Variants in CARS2 observed in about 807,000 individuals in gnomAD.
CARS2 encodes the protein cysteinyl-tRNA synthetase 2, mitochondrial, also known as probable cysteine--tRNA ligase, mitochondrial.
In CARS2, 52 loss-of-function variants were observed where a neutral mutation model predicts 68.8. The observed-to-expected ratio is 0.76, with a 90% CI of 0.61 to 0.95. The LOEUF is 0.95. Ranked by LOEUF, CARS2 falls within the 40% of genes least tolerant of loss-of-function variation. The probability of loss-of-function intolerance (pLI) is 0.00; values close to 1 mark genes in which losing one functional copy is unlikely to be tolerated. For synonymous variants in CARS2, 314 were observed against 303.6 expected (o/e 1.03, Z -0.36); for missense variants, 780 against 754.2 (o/e 1.03, Z -0.40).
chr13:110,695,271 A>T (rs928498626), intron 3 of CARS2, among the ~76,000 whole-genome samples: 1 of 152,168 alleles, frequency 6.6e-6, no homozygotes, highest in African/African-American at 2.4e-5. Context: ...ACAGAGTGAG[A>T]CCCTATCTTA....
chr13:110,666,067 A>G lies in CARS2; in HGVS notation c.919+1273T>C, dbSNP rs551386662. ...GGGCTCCCAGCACGCTTCCTCTCCA[A>G]GAACACAATTCAGAAGTCCTTGGGC... On this transcript the variant is annotated intron_variant, in intron 8 of 14. Coordinates refer to ENST00000257347, the MANE Select transcript of CARS2 (RefSeq NM_024537.4). The G allele has an allele frequency of 1.5e-5, 15 of 985,310 alleles. No individual in the cohort carries two copies. In the African/African-American group the frequency reaches 2.6e-4, roughly 17 times the overall value. The allele number at this position is 985,310 out of a possible 1,614,324, so 61.0% of individuals were successfully genotyped here.
chr13:110,677,352 C>T (rs1171014248), intron 6 of CARS2, among the ~76,000 whole-genome samples: 2 of 87,196 alleles, frequency 2.3e-5, no homozygotes, highest in Non-Finnish European at 4.7e-5. Flanking sequence ...GACCCAGTCA[C>T]CCCCACCACG....
At chr13:110,646,299 A>G in intron 11 of CARS2, 1 of 527,548 alleles carries the variant, frequency 1.9e-6, no homozygotes, top group Non-Finnish European at 3.3e-6. Context: ...AAAAAGTCCC[A>G]GAGCAGAGGT....
Position 110,665,752 on chromosome 13 carries a change from A to G in CARS2, c.919+1588T>C, listed in dbSNP as rs1427573957. On this transcript the variant is annotated intron_variant, in intron 8 of 14. Coordinates refer to ENST00000257347, the MANE Select transcript of CARS2 (RefSeq NM_024537.4). This position sits in a 1 kb window ranked among gnomAD's most constrained non-coding sequence, Gnocchi z 4.3. Reference sequence around the variant, plus strand: ...CCTGAACGAAGTCAACGAGGAAGTGACTTCGGGGCAATCAGCCTCATCTAT... The same window carrying G: ...CCTGAACGAAGTCAACGAGGAAGTGGCTTCGGGGCAATCAGCCTCATCTAT... 1 of 985,308 alleles carries G rather than the reference A, an allele frequency of 1.0e-6. No homozygotes were observed. Among genetic ancestry groups the G allele is most frequent in the Non-Finnish European group, 1.2e-6 (1 of 829,934 alleles). The allele number at this position is 985,308 out of a possible 1,614,324, so 61.0% of individuals were successfully genotyped here.
At chr13:110,671,925 A>C (rs1381724504) in intron 7 of CARS2, among the ~76,000 whole-genome samples, 2 of 152,234 alleles carry the variant, frequency 1.3e-5, no homozygotes, top group Admixed American at 6.5e-5. Flanking sequence ...CTAGTGTCTG[A>C]TAAAACAGAC....
At chr13:110,662,275 C>T (rs574898656) in intron 9 of CARS2, among the ~76,000 whole-genome samples, 65 of 119,974 alleles carry the variant, frequency 5.4e-4, no homozygotes, top group African/African-American at 1.7e-3. Flanking sequence ...ACCCCGTGGC[C>T]GGGCTCCGAC....
intron 2 of CARS2, among the ~76,000 whole-genome samples, chr13:110,702,263 T>C (rs2063808824): frequency 6.6e-6 from 1 of 152,198 alleles, no homozygotes; most frequent in East Asian, 1.9e-4. Context: ...TGTTATTGTA[T>C]CACTTTAACC....
At chr13:110,667,973 C>A (rs945928153) in intron 7 of CARS2, among the ~76,000 whole-genome samples, 1 of 152,156 alleles carries the variant, frequency 6.6e-6, no homozygotes, top group African/African-American at 2.4e-5. Context: ...CAAACCCATA[C>A]AAAAAAATTA....
chr13:110,654,970 A>AAAAGG (rs2062328898), intron 9 of CARS2, among the ~76,000 whole-genome samples: 1 of 152,092 alleles, frequency 6.6e-6, no homozygotes, highest in South Asian at 2.1e-4. Context: ...AAAAAAGGAA[A>AAAAGG]AAAGGTAACC....
At position 110,670,759 on chromosome 13, in the gene CARS2, C is replaced by T. The variant is rs1193024056; in HGVS notation, c.786-3286G>A. 6.6e-6 allele frequency among the ~76,000 whole-genome samples: 1 copy of T among 152,162 alleles called. No homozygotes were observed. The highest frequency in any genetic ancestry group is 2.4e-5 in the African/African-American group (1 of 41,440). On this transcript the variant is annotated intron_variant, in intron 7 of 14. Coordinates refer to ENST00000257347, the MANE Select transcript of CARS2 (RefSeq NM_024537.4). The surrounding 1 kb of genome is among the most constrained non-coding windows in gnomAD (Gnocchi z 4.1). ...GCTTCAGACGATCGGTAATAACAAA[C>T]TTCTCCGAGCTAAAGGAGGATGTTT...
At chr13:110,651,012 A>C in intron 10 of CARS2, 22 bp downstream of exon 10, 2 of 1,590,024 alleles carry the variant, frequency 1.3e-6, no homozygotes, top group Non-Finnish European at 1.7e-6. Context: ...GGGGGAGTCC[A>C]CTCCACGTGT....
Position 110,670,461 on chromosome 13 carries a change from C to T in CARS2, c.786-2988G>A, listed in dbSNP as rs1339936835. ...GGCAAACAGGGTCTGGAGTGGACCTCCAGCAAACTCAACAGACCTGCAGCT... is the reference window on the plus strand; with the variant it reads ...GGCAAACAGGGTCTGGAGTGGACCTTCAGCAAACTCAACAGACCTGCAGCT... On this transcript the variant is annotated intron_variant, in intron 7 of 14. Transcript: ENST00000257347. This position sits in a 1 kb window ranked among gnomAD's most constrained non-coding sequence, Gnocchi z 4.1. Among the ~76,000 whole-genome samples, 1 of 152,200 alleles carries T rather than the reference C, an allele frequency of 6.6e-6. No individual in the cohort carries two copies. The highest frequency in any genetic ancestry group is 1.5e-5 in the Non-Finnish European group (1 of 68,040).
chr13:110,673,607 A>T (rs2062863810), intron 7 of CARS2, among the ~76,000 whole-genome samples: 1 of 152,204 alleles, frequency 6.6e-6, no homozygotes, highest in South Asian at 2.1e-4. Flanking sequence ...AGCCAATATC[A>T]TACTGAATGG....
chr13:110,678,268 C>T (rs1392425539), intron 6 of CARS2, among the ~76,000 whole-genome samples: 1 of 152,184 alleles, frequency 6.6e-6, no homozygotes, highest in Non-Finnish European at 1.5e-5. Context: ...GAGTGAAAGG[C>T]GCGTGATCGT....
chr13:110,688,089 A>T, intron 3 of CARS2, 71 bp from the exon 4 acceptor site: 1 of 1,054,234 alleles, frequency 9.5e-7, no homozygotes, highest in Non-Finnish European at 1.4e-6. Flanking sequence ...GCCACAAGAA[A>T]GCCCACGTGC....
intron 1 of CARS2, chr13:110,712,648 G>A (rs1766471918): frequency 3.4e-6 from 2 of 594,514 alleles, no homozygotes; most frequent in Non-Finnish European, 6.3e-6. Context: ...ACGCGGGGGA[G>A]GGCGGTCCGG....
Position 110,644,144 on chromosome 13 carries a change from A to G in CARS2, c.1416+241T>C, listed in dbSNP as rs555296972. 2.8e-6 allele frequency: 4 copies of G among 1,415,822 alleles called. No homozygotes were observed. In the South Asian group the frequency reaches 3.7e-5, roughly 13 times the overall value. 87.7% of individuals were successfully genotyped at this position (1,415,822 alleles called of 1,614,324 possible). A position where few individuals can be genotyped will look rare whatever the true frequency, so the allele number is the denominator to read the frequency against. ...GAGCTGGCGACATTCTGTTGCTGAG[A>G]TGGACTCATCTCTGGTTCTGCGCAC... On this transcript the variant is annotated intron_variant, in intron 13 of 14. Transcript: ENST00000257347.
intron 13 of CARS2, chr13:110,643,943 G>C (rs1887746035): frequency 5.8e-6 from 2 of 342,580 alleles, no homozygotes; most frequent in Non-Finnish European, 1.1e-5. Flanking sequence ...GCCTCGCTGG[G>C]AAGGTGCAGG....
In CARS2 at chr13:110,706,067, G is replaced by C; in HGVS notation, c.27C>G (p.Gly9=). Reference sequence around the variant, plus strand: ...CGGCCTGGAGCAGCGGGGGGCCCAGGCCTGGGCCGCGCGTAGTCCTCAACA... The same window carrying C: ...CGGCCTGGAGCAGCGGGGGGCCCAGCCCTGGGCCGCGCGTAGTCCTCAACA... MLRTTRGP[G]LGPPLLQAAL... The change falls in exon 1 of 15, where the codon GGC becomes GGG. Residue 9 remains glycine (G), a synonymous_variant. Transcript: ENST00000257347. 7.4e-7 allele frequency: 1 copy of C among 1,348,934 alleles called. No individual in the cohort carries two copies. 83.6% of individuals were successfully genotyped at this position (1,348,934 alleles called of 1,614,324 possible). A position where few individuals can be genotyped will look rare whatever the true frequency, so the allele number is the denominator to read the frequency against.
Sources: allele counts gnomAD v4.1 joint callset (sites outside exome capture counted in the v4.1 genomes callset), GRCh38; gene constraint gnomAD v4.1.1; non-coding constraint Gnocchi (gnomAD v3.1); transcripts MANE v1.5; gene names NCBI Gene and HGNC (gene_info 2026-07-23, HGNC 2026-07-21).